The following ZNF560 variants were observed in gnomAD, a reference collection of about 807,000 sequenced individuals.
ZNF560 encodes zinc finger protein 560.
Under a neutral mutation model 81.8 loss-of-function variants are expected in ZNF560, and 54 were observed. The ratio of observed to expected loss-of-function variants is 0.66; its 90% CI spans 0.53 to 0.83. The LOEUF is 0.83. ZNF560 is among the 40% of genes least tolerant of loss of function. The probability of loss-of-function intolerance (pLI) is 0.00; values close to 1 mark genes in which losing one functional copy is unlikely to be tolerated. For synonymous variants in ZNF560, 321 were observed against 317.9 expected (o/e 1.01, Z -0.10); for missense variants, 940 against 932.4 (o/e 1.01, Z -0.11).
At position 9,474,281 on chromosome 19, in the gene ZNF560, C is replaced by G. The variant is rs754238247; in HGVS notation, c.75G>C (p.Glu25Asp). ...FEDTAVDFTQ[E>D]EWILLDPVQR... ...GAACTGGGTCCAGTAAAATCCACTCCTCCTGGGTGAAGTCCACAGCTGTAT... is the reference window on the plus strand; with the variant it reads ...GAACTGGGTCCAGTAAAATCCACTCGTCCTGGGTGAAGTCCACAGCTGTAT... The change falls in exon 4 of 10, where the codon GAG becomes GAC. Residue 25 changes from glutamate to aspartate, a missense_variant. Glu to Asp is a conservative substitution (Grantham distance 45). Transcript: ENST00000301480. 4.2e-5 allele frequency: 68 copies of G among 1,614,034 alleles called. No individual in the cohort carries two copies. The highest frequency in any genetic ancestry group is 5.5e-5 in the Non-Finnish European group (65 of 1,180,008).
chr19:9,450,290 C>CG, the ZNF560 span, among the ~76,000 whole-genome samples: 1 of 146,726 alleles, frequency 6.8e-6, no homozygotes. Context: ...GACTTTGTCT[C>CG]AAAAAAAAAA....
intron 2 of ZNF560, among the ~76,000 whole-genome samples, chr19:9,486,975 T>G (rs759864645): frequency 2.0e-5 from 3 of 152,164 alleles, no homozygotes; most frequent in Non-Finnish European, 4.4e-5. Context: ...TATTTGGAAA[T>G]GTTATTACTT....
At chr19:9,505,087 AAAAT>A in the ZNF560 span, among the ~76,000 whole-genome samples, 5 of 152,164 alleles carry the variant, frequency 3.3e-5, no homozygotes, top group Admixed American at 6.5e-5. Flanking sequence ...TTGTCTCAAA[AAAAT>A]AAATAAATAA....
upstream of ZNF560, among the ~76,000 whole-genome samples, chr19:9,502,159 A>G (rs1326095007): frequency 1.3e-5 from 2 of 148,506 alleles, no homozygotes; most frequent in African/African-American, 5.0e-5. Context: ...ATCTCAAAAA[A>G]GAAAAAAAGA....
intron 2 of ZNF560, among the ~76,000 whole-genome samples, chr19:9,475,848 C>T (rs753886241): frequency 7.2e-5 from 11 of 152,072 alleles, no homozygotes; most frequent in Non-Finnish European, 1.5e-4. Context: ...CCTCATGATC[C>T]GCCCAACTTG....
Position 9,468,146 on chromosome 19 carries a change from G to C in ZNF560, c.801C>G (p.Phe267Leu). The change falls in exon 10 of 10, where the codon TTC (phenylalanine) becomes TTG (leucine). Residue 267 changes from phenylalanine to leucine, a missense_variant. Phe to Leu is a conservative substitution (Grantham distance 22). Coordinates refer to ENST00000301480, the MANE Select transcript of ZNF560 (RefSeq NM_152476.3). ...GGCGGAAAGATTTTCCATGCTTACT[G>C]AACACAGAAACTTTCCTTATGGTAG... ...KTSTIRKVSVFSKHGKSFRLI... is the reference protein window; with the variant it reads ...KTSTIRKVSVLSKHGKSFRLI... 1.9e-6 allele frequency: 3 copies of C among 1,614,056 alleles called. No homozygotes were observed. Among genetic ancestry groups the C allele is most frequent in the Non-Finnish European group, 2.5e-6 (3 of 1,179,998 alleles).
At position 9,469,017 on chromosome 19, in the gene ZNF560, C is replaced by T. The variant is rs1013032873; in HGVS notation, c.612+88G>A. ...TGCTGGGATTAGAGGCATGAGCCACCGTGCCTGGCCATTTCTGCTGATTTC... is the reference window on the plus strand; with the variant it reads ...TGCTGGGATTAGAGGCATGAGCCACTGTGCCTGGCCATTTCTGCTGATTTC... On this transcript the variant is annotated intron_variant, in intron 9 of 9. Coordinates refer to ENST00000301480, the MANE Select transcript of ZNF560 (RefSeq NM_152476.3). 29 of 1,065,302 alleles carry T rather than the reference C, an allele frequency of 2.7e-5. No individual in the cohort carries two copies. In the East Asian group the frequency reaches 2.7e-4, roughly 10 times the overall value. The allele number at this position is 1,065,302 out of a possible 1,614,324, so 66.0% of individuals were successfully genotyped here.
upstream of ZNF560, among the ~76,000 whole-genome samples, chr19:9,501,374 TGTGTGTGG>T (rs1386294324): frequency 1.3e-4 from 16 of 123,984 alleles, no homozygotes; most frequent in African/African-American, 3.4e-4. Context: ...TGTGTGTGTG[TGTGTGTGG>T]AGTGTTGCTC....
intron 3 of ZNF560, among the ~76,000 whole-genome samples, chr19:9,475,009 C>T (rs778007818): frequency 2.0e-5 from 3 of 151,908 alleles, no homozygotes; most frequent in Admixed American, 6.6e-5. Flanking sequence ...TTTCATCTTC[C>T]TTTCCATCTG....
At chr19:9,460,005 GT>G in the ZNF560 span, among the ~76,000 whole-genome samples, 1 of 152,078 alleles carries the variant, frequency 6.6e-6, no homozygotes, top group African/African-American at 2.4e-5. Context: ...GGAACAACGG[GT>G]TTGGTGGAAA....
In ZNF560 at chr19:9,466,984, G is replaced by A. The variant is rs773702037; in HGVS notation, c.1963C>T (p.Pro655Ser). 6.2e-6 allele frequency: 10 copies of A among 1,613,972 alleles called. No homozygotes were observed. The highest frequency in any genetic ancestry group is 1.6e-4 in the Middle Eastern group (1 of 6,062). ...TTTTCACATGCATTACATTTATAGG[G>A]TTTATATCCAGTGTGAGTTCTTAAA... ...DHLRTHTGYK[P>S]YKCNACEKAY... Residue 655 changes from proline to serine, a missense_variant, in exon 10 of 10, where the codon CCC becomes TCC. Physicochemically the swap from Pro to Ser is moderately conservative, Grantham distance 74. Coordinates refer to ENST00000301480, the MANE Select transcript of ZNF560 (RefSeq NM_152476.3).
At chr19:9,455,965 G>C in the ZNF560 span, among the ~76,000 whole-genome samples, 1 of 152,138 alleles carries the variant, frequency 6.6e-6, no homozygotes, top group African/African-American at 2.4e-5. Flanking sequence ...ATGGAAAAAA[G>C]AAAACTGCTG....
rs1321887145 is a variant in ZNF560, at chr19:9,498,160, C to T, written c.-89G>A. 2.0e-5 allele frequency: 3 copies of T among 152,208 alleles called. No homozygotes were observed. Among genetic ancestry groups the T allele is most frequent in the Non-Finnish European group, 4.4e-5 (3 of 68,036 alleles). The allele number at this position is 152,208 out of a possible 1,614,324, so 9.4% of individuals were successfully genotyped here. ...CGGTGGAGTCGCCAGGTCCGTGGGG[C>T]TACAGGATCTTGGGGACGGAGTCAA... On this transcript the variant is annotated 5_prime_UTR_variant, in exon 2 of 10. Transcript: ENST00000301480.
intron 2 of ZNF560, among the ~76,000 whole-genome samples, chr19:9,495,552 C>A (rs2073544384): frequency 6.6e-6 from 1 of 151,866 alleles, no homozygotes; most frequent in Non-Finnish European, 1.5e-5. Flanking sequence ...CAAAAAAATA[C>A]CAAAATTAGC....
intron 7 of ZNF560, 124 bp from the exon 8 acceptor site, chr19:9,469,834 T>A: frequency 1.4e-6 from 1 of 720,584 alleles, no homozygotes; most frequent in African/African-American, 1.7e-5. Context: ...ATATATCCCA[T>A]CTTTCTGTTC....
At chr19:9,462,375 C>T (rs545278698), downstream of ZNF560, among the ~76,000 whole-genome samples, 5 of 152,340 alleles carry the variant, frequency 3.3e-5, no homozygotes, top group East Asian at 9.6e-4. Flanking sequence ...AAGCCAGAGC[C>T]TGTCCCTTTG....
intron 2 of ZNF560, among the ~76,000 whole-genome samples, chr19:9,497,378 A>G (rs1437824045): frequency 6.6e-6 from 1 of 151,912 alleles, no homozygotes; most frequent in Non-Finnish European, 1.5e-5. Context: ...CTACAAAAAT[A>G]CAAAAAATTA....
At chr19:9,462,204 G>A (rs550509014), downstream of ZNF560, among the ~76,000 whole-genome samples, 2 of 152,322 alleles carry the variant, frequency 1.3e-5, no homozygotes, top group Non-Finnish European at 2.9e-5. Context: ...TGACATGCTC[G>A]TGATGGTTAT....
chr19:9,472,805 C>T (rs1207982722), intron 5 of ZNF560, among the ~76,000 whole-genome samples: 1 of 152,000 alleles, frequency 6.6e-6, no homozygotes, highest in Non-Finnish European at 1.5e-5. Context: ...AAACAATATC[C>T]CTGAGACCTG....
Sources: allele counts gnomAD v4.1 joint callset (sites outside exome capture counted in the v4.1 genomes callset), GRCh38; gene constraint gnomAD v4.1.1; transcripts MANE v1.5; gene names NCBI Gene and HGNC (gene_info 2026-07-23, HGNC 2026-07-21).